Variants in PRKCA observed in about 807,000 individuals in gnomAD.
PRKCA encodes protein kinase C alpha type.
PRKCA carries 27 observed loss-of-function variants against 87.0 expected under a neutral mutation model. The ratio of observed to expected loss-of-function variants is 0.31; its 90% CI spans 0.23 to 0.43. PRKCA has a LOEUF of 0.43. PRKCA is among the 20% of genes least tolerant of loss of function. The pLI is 1.00. For missense variants in PRKCA, 518 were observed against 852.3 expected, an observed-to-expected ratio of 0.61 and a Z score of 4.88; for synonymous variants, 329 against 311.1, an observed-to-expected ratio of 1.06 and a Z score of -0.61.
At chr17:66,418,618 G>T (rs990675314) in intron 2 of PRKCA, among the ~76,000 whole-genome samples, 1 of 151,924 alleles carries the variant, frequency 6.6e-6, no homozygotes, top group Non-Finnish European at 1.5e-5. Flanking sequence ...TGTATTTTTA[G>T]TAGAGACGGG....
At chr17:66,680,292 C>T (rs894929325) in intron 5 of PRKCA, among the ~76,000 whole-genome samples, 2 of 152,078 alleles carry the variant, frequency 1.3e-5, no homozygotes, top group Non-Finnish European at 1.5e-5. Context: ...GAGTAGGATT[C>T]GAGAATTTTG....
At position 66,321,199 on chromosome 17, in the gene PRKCA, A is replaced by G. The variant is rs772836039; in HGVS notation, c.205+15072A>G. On this transcript the variant is annotated intron_variant, in intron 2 of 16. Transcript: ENST00000413366. The stretch of plus-strand genomic sequence containing the variant: ...TATTCCATGGAAAATTTTCCTTCCT[A>G]TGCTAGGTTTCTGAGTTGCTTTAAA... Among the ~76,000 whole-genome samples, 7 of 152,240 alleles carry G rather than the reference A, an allele frequency of 4.6e-5. No homozygotes were observed. In the South Asian group the frequency reaches 1.5e-3, roughly 32 times the overall value.
At chr17:66,403,746 A>G (rs1911175775) in intron 2 of PRKCA, 1 of 152,250 alleles carries the variant, frequency 6.6e-6, no homozygotes, top group Non-Finnish European at 1.5e-5. Context: ...ATTTATGAAC[A>G]GTTCAAGTAA....
chr17:66,364,339 T>G (rs923554773), intron 2 of PRKCA: 1 of 152,156 alleles, frequency 6.6e-6, no homozygotes, highest in African/African-American at 2.4e-5. Flanking sequence ...GTAAATTCAT[T>G]TATTCATTCA....
chr17:66,353,015 G>A (rs576000649), intron 2 of PRKCA, among the ~76,000 whole-genome samples: 209 of 152,174 alleles, frequency 1.4e-3, no homozygotes, highest in Non-Finnish European at 2.5e-3. Flanking sequence ...CCTGTTAGAC[G>A]TTTTAGTCTG....
At chr17:66,558,566 C>G (rs1968575534) in intron 3 of PRKCA, among the ~76,000 whole-genome samples, 1 of 152,024 alleles carries the variant, frequency 6.6e-6, no homozygotes. Flanking sequence ...CAGACAGGGC[C>G]CAGTGCAGTG....
At chr17:66,462,572 A>G (rs1239494521) in intron 2 of PRKCA, among the ~76,000 whole-genome samples, 3 of 152,198 alleles carry the variant, frequency 2.0e-5, no homozygotes, top group Non-Finnish European at 2.9e-5. Flanking sequence ...CTCAAAATAG[A>G]TAAAAGACAC....
intron 3 of PRKCA, among the ~76,000 whole-genome samples, chr17:66,580,617 A>G (rs116503906): frequency 0.014 from 2,082 of 152,304 alleles, 24 homozygotes; most frequent in Middle Eastern, 0.037. Flanking sequence ...GTGTTTTTAT[A>G]TAAACTTTAC....
At chr17:66,340,472 C>T (rs1906981171) in intron 2 of PRKCA, among the ~76,000 whole-genome samples, 1 of 149,368 alleles carries the variant, frequency 6.7e-6, no homozygotes, top group Non-Finnish European at 1.5e-5. Context: ...TCAGAGCAGA[C>T]AGGGGTCCAT....
intron 6 of PRKCA, 146 bp downstream of exon 6, chr17:66,687,413 G>A (rs1972659852): frequency 2.6e-6 from 2 of 757,172 alleles, no homozygotes; most frequent in East Asian, 5.3e-5. Context: ...CATTAGGGAG[G>A]TAGCTATTAG....
intron 2 of PRKCA, among the ~76,000 whole-genome samples, chr17:66,425,829 G>C (rs1160645793): frequency 6.6e-6 from 1 of 152,174 alleles, no homozygotes; most frequent in Admixed American, 6.5e-5. Context: ...AAGCAGGAAT[G>C]GTGTTAAAAG....
chr17:66,447,218 T>C (rs1399503457), intron 2 of PRKCA, among the ~76,000 whole-genome samples: 2 of 152,146 alleles, frequency 1.3e-5, no homozygotes, highest in African/African-American at 4.8e-5. Context: ...TTAAGATGTA[T>C]ACGGGATGGT....
At chr17:66,458,407 C>G (rs572939196) in intron 2 of PRKCA, among the ~76,000 whole-genome samples, 1 of 152,242 alleles carries the variant, frequency 6.6e-6, no homozygotes, top group East Asian at 1.9e-4. Context: ...TCTTAAGACC[C>G]CCCAGTAGAA....
At chr17:66,615,766 T>C (rs1229598933) in intron 3 of PRKCA, among the ~76,000 whole-genome samples, 1 of 152,118 alleles carries the variant, frequency 6.6e-6, no homozygotes, top group Admixed American at 6.5e-5. Context: ...ACCTTGGGCC[T>C]GGTCAGGGTT....
chr17:66,424,251 A>G lies in PRKCA; in HGVS notation c.206-71950A>G, dbSNP rs534817129. Among the ~76,000 whole-genome samples the G allele has an allele frequency of 1.6e-4, 25 of 152,208 alleles. 1 individual carries two copies. The highest frequency in any genetic ancestry group is 6.0e-4 in the African/African-American group (25 of 41,520). On this transcript the variant is annotated intron_variant, in intron 2 of 16. Transcript: ENST00000413366. ...TGATGCCTATCTAATATAAACTCCC[A>G]TTCTCCTGGAACCTCACATATTTTA... is the stretch of plus-strand genomic sequence containing the variant.
intron 1 of PRKCA, among the ~76,000 whole-genome samples, chr17:66,304,469 G>A (rs1024615256): frequency 1.3e-5 from 2 of 152,174 alleles, no homozygotes; most frequent in South Asian, 4.1e-4. Flanking sequence ...CAGAGCTATG[G>A]CTAGGGCTTC....
At chr17:66,469,669 A>G (rs1001247412) in intron 2 of PRKCA, among the ~76,000 whole-genome samples, 3 of 152,194 alleles carry the variant, frequency 2.0e-5, no homozygotes, top group African/African-American at 7.2e-5. Context: ...TAATTCTGTC[A>G]CTTGTATTAT....
chr17:66,729,780 CTT>C (rs60247180), intron 8 of PRKCA, among the ~76,000 whole-genome samples: 7 of 105,072 alleles, frequency 6.7e-5, no homozygotes, highest in South Asian at 3.4e-4. Flanking sequence ...GCGAGTTATT[CTT>C]TTTTTTTTTT....
chr17:66,787,115 G>C (rs762281670), intron 15 of PRKCA, 141 bp downstream of exon 15: 1 of 799,276 alleles, frequency 1.3e-6, no homozygotes, highest in South Asian at 1.3e-5. Flanking sequence ...TTGGGGCTTG[G>C]TGTCATGCCC....
Sources: gnomAD v4.1 joint callset for allele counts (sites outside exome capture counted in the v4.1 genomes callset) on GRCh38, gnomAD v4.1.1 for gene constraint, MANE v1.5 for transcripts, NCBI Gene and HGNC (gene_info 2026-07-23, HGNC 2026-07-21) for gene names.